NDUFA11: variants seen among roughly 807,000 people sequenced by gnomAD.
NDUFA11 encodes NADH dehydrogenase [ubiquinone] 1 alpha subcomplex subunit 11.
Under a neutral mutation model 11.3 loss-of-function variants are expected in NDUFA11, and 14 were observed. The observed-to-expected ratio is 1.24, with a 90% CI of 0.82 to 1.94. The LOEUF (loss-of-function observed/expected upper bound fraction) is 1.94, where lower values mean the gene tolerates loss of function less well. NDUFA11 is among the 30% of genes most tolerant of loss of function. NDUFA11 has a pLI of 0.00. For missense variants in NDUFA11, 204 were observed against 200.3 expected, an observed-to-expected ratio of 1.02 and a Z score of -0.11; for synonymous variants, 87 against 85.6, an observed-to-expected ratio of 1.02 and a Z score of -0.09.
intron 1 of NDUFA11, chr19:5,901,279 C>A: frequency 8.0e-7 from 1 of 1,252,712 alleles, no homozygotes; most frequent in Non-Finnish European, 1.0e-6. Context: ...AGTTTCAGAT[C>A]CTATCCCCTG....
rs185876325 is a variant in NDUFA11, at chr19:5,896,655, A to G, written c.191-80T>C. ...TTGGGCGCTCACTGCCAGTGTCTGG[A>G]TGGAGAGAGATGCCACGAGTCGGCT... On this transcript the variant is annotated intron_variant, in intron 2 of 3. Transcript: ENST00000308961. This position sits in a 1 kb window ranked among gnomAD's most constrained non-coding sequence, Gnocchi z 5.8. The G allele has an allele frequency of 3.8e-4, 580 of 1,542,602 alleles. 1 individual carries two copies. The African/African-American group carries it at 7.1e-3, about 19-fold the overall frequency.
Position 5,896,335 on chromosome 19 carries a change from C to A in NDUFA11, c.313+118G>T. 8.1e-7 allele frequency: 1 copy of A among 1,230,882 alleles called. No individual in the cohort carries two copies. Among genetic ancestry groups the A allele is most frequent in the South Asian group, 1.5e-5 (1 of 68,694 alleles). 76.2% of individuals were successfully genotyped at this position (1,230,882 alleles called of 1,614,324 possible). ...CGCTATGACTGAAATGGCTGGTGTT[C>A]AAGAAGGCTGCTTTACTTCTTGTCC... On this transcript the variant is annotated intron_variant, in intron 3 of 3. Coordinates refer to ENST00000308961, the MANE Select transcript of NDUFA11 (RefSeq NM_175614.5). The surrounding 1 kb of genome is among the most constrained non-coding windows in gnomAD (Gnocchi z 5.8).
At chr19:5,903,588 C>T (rs1420914449) in intron 1 of NDUFA11, 24 bp downstream of exon 1, 3 of 1,547,516 alleles carry the variant, frequency 1.9e-6, no homozygotes, top group South Asian at 1.2e-5. Context: ...GGCCCTCCAC[C>T]CTCGGGGCCC....
downstream of NDUFA11, chr19:5,893,322 G>C: frequency 1.1e-6 from 1 of 917,946 alleles, no homozygotes; most frequent in Non-Finnish European, 1.7e-6. The surrounding 1 kb of genome is among the most constrained non-coding windows in gnomAD (Gnocchi z 4.1). Flanking sequence ...ACAATTAGCT[G>C]GCTGTAGTGG....
intron 1 of NDUFA11, among the ~76,000 whole-genome samples, chr19:5,897,723 G>A (rs2057619768): frequency 6.6e-6 from 1 of 152,236 alleles, no homozygotes; most frequent in Non-Finnish European, 1.5e-5. Flanking sequence ...TGAGGAGCTT[G>A]GGCCGGGGCC....
At chr19:5,893,307 TA>T, downstream of NDUFA11, 3 of 1,058,234 alleles carry the variant, frequency 2.8e-6, no homozygotes, top group Non-Finnish European at 2.8e-6. The surrounding 1 kb of genome is among the most constrained non-coding windows in gnomAD (Gnocchi z 4.1). Flanking sequence ...AAAATAAAAA[TA>T]AAAACAATTA....
chr19:5,896,565 C>A lies in NDUFA11; in HGVS notation c.201G>T (p.Gly67=). 1 of 1,565,872 alleles carries A rather than the reference C, an allele frequency of 6.4e-7. No homozygotes were observed. The highest frequency in any genetic ancestry group is 8.7e-7 in the Non-Finnish European group (1 of 1,156,008). ...TGCAGGTGGTGAGGCCAAACACGGCCCCGACAGCAGCTGCGGGGTAGACGG... is the reference window on the plus strand; with the variant it reads ...TGCAGGTGGTGAGGCCAAACACGGCACCGACAGCAGCTGCGGGGTAGACGG... ...GQYTFTAAAV[G]AVFGLTTCIS... is the part of the protein sequence containing the mutation. The change falls in exon 3 of 4, where the codon GGG becomes GGT. Residue 67 remains glycine (G), a synonymous_variant. Coordinates refer to ENST00000308961, the MANE Select transcript of NDUFA11 (RefSeq NM_175614.5). The surrounding 1 kb of genome is among the most constrained non-coding windows in gnomAD (Gnocchi z 5.8).
At chr19:5,902,673 C>T (rs1370748514) in intron 1 of NDUFA11, 1 of 152,360 alleles carries the variant, frequency 6.6e-6, no homozygotes, top group Non-Finnish European at 1.5e-5. Flanking sequence ...CCATGAAACG[C>T]TCAGGCTGGA....
chr19:5,895,407 G>A (rs943438277), intron 3 of NDUFA11: 2 of 157,946 alleles, frequency 1.3e-5, no homozygotes, highest in African/African-American at 4.8e-5. Context: ...TGGGGACAGG[G>A]AGCAGTTCCA....
At chr19:5,892,650 C>A (rs1282456566), downstream of NDUFA11, 2 of 352,914 alleles carry the variant, frequency 5.7e-6, no homozygotes, top group Admixed American at 4.4e-5. Flanking sequence ...GTGGTCACCG[C>A]GGGGCTGGGG....
chr19:5,895,064 C>G (rs1287628723), intron 3 of NDUFA11: 2 of 602,992 alleles, frequency 3.3e-6, no homozygotes, highest in Non-Finnish European at 5.7e-6. Flanking sequence ...GGTTGCTTCC[C>G]AGCAGGAACC....
chr19:5,903,705 C>T lies in NDUFA11; in HGVS notation c.4G>A (p.Ala2Thr), dbSNP rs1226874837. 5 of 1,551,514 alleles carry T rather than the reference C, an allele frequency of 3.2e-6. No individual in the cohort carries two copies. Among genetic ancestry groups the T allele is most frequent in the South Asian group, 1.2e-5 (1 of 84,070 alleles). ...CAGTACTGACGAAAAACCTTCGGCG[C>T]CATAGCCCGCAATCTCGATCCCGCA... M[A>T]PKVFRQYWDI... Residue 2 changes from alanine (A) to threonine (T), a missense_variant, in exon 1 of 4, where the codon GCG (alanine) becomes ACG (threonine). Coordinates refer to ENST00000308961, the MANE Select transcript of NDUFA11 (RefSeq NM_175614.5).
In NDUFA11 at chr19:5,903,739, C is replaced by T. The variant is rs886054648; in HGVS notation, c.-31G>A. On this transcript the variant is annotated 5_prime_UTR_variant, in exon 1 of 4. Coordinates refer to ENST00000308961, the MANE Select transcript of NDUFA11 (RefSeq NM_175614.5). ...GCAATCTCGATCCCGCACCACGGAC[C>T]CCGCCAGCTCGGGAAGCGCAAGGGC... 5.3e-5 allele frequency: 82 copies of T among 1,548,622 alleles called. No individual in the cohort carries two copies. Among genetic ancestry groups the T allele is most frequent in the Non-Finnish European group, 6.3e-5 (72 of 1,144,742 alleles).
chr19:5,892,827 G>T, downstream of NDUFA11: 1 of 1,364,660 alleles, frequency 7.3e-7, no homozygotes, highest in Non-Finnish European at 9.5e-7. Flanking sequence ...TCTTTGTGGG[G>T]CATCTCTGAG....
rs751729958 is a variant in NDUFA11, at chr19:5,894,742, T to G, written c.426A>C (p.Ter142CysextTer?). The G allele has an allele frequency of 2.5e-6, 4 of 1,612,552 alleles. No individual in the cohort carries two copies. Among genetic ancestry groups the G allele is most frequent in the African/African-American group, 1.3e-5 (1 of 74,912 alleles). Residue 142 changes from the stop codon to cysteine (C), a stop_lost, in exon 4 of 4, where the codon TGA becomes TGC. Coordinates refer to ENST00000308961, the MANE Select transcript of NDUFA11 (RefSeq NM_175614.5). ...GWEVFAKPKV[*>C] ...CTGGAGGTCCCGGCAGGCACAGGGCTCACACCTTGGGTTTTGCAAACACCT... is the reference window on the plus strand; with the variant it reads ...CTGGAGGTCCCGGCAGGCACAGGGCGCACACCTTGGGTTTTGCAAACACCT...
At chr19:5,892,790 A>C, downstream of NDUFA11, 12 of 1,208,350 alleles carry the variant, frequency 9.9e-6, no homozygotes, top group Non-Finnish European at 9.8e-6. Context: ...AGTGGATGGG[A>C]TGCCTGCAGG....
intron 1 of NDUFA11, chr19:5,901,286 C>T (rs1163791029): frequency 1.6e-5 from 20 of 1,261,038 alleles, no homozygotes; most frequent in Non-Finnish European, 2.1e-5. Flanking sequence ...GATCCTATCC[C>T]CTGGGTGGCC....
At chr19:5,899,860 CTCTCA>C (rs902005220) in intron 1 of NDUFA11, 1 of 152,076 alleles carries the variant, frequency 6.6e-6, no homozygotes, top group African/African-American at 2.4e-5. Flanking sequence ...TCTTATAACC[CTCTCA>C]TCTCAAGAGG....
downstream of NDUFA11, chr19:5,892,812 G>C (rs77060799): frequency 9.9e-3 from 13,247 of 1,339,710 alleles, 152 homozygotes; most frequent in South Asian, 0.042. Flanking sequence ...AGGTGGAATC[G>C]TCTTTCTTTG....
Sources: gnomAD v4.1 joint callset for allele counts (sites outside exome capture counted in the v4.1 genomes callset) on GRCh38, gnomAD v4.1.1 for gene constraint, Gnocchi (gnomAD v3.1) non-coding constraint, MANE v1.5 for transcripts, NCBI Gene and HGNC (gene_info 2026-07-23, HGNC 2026-07-21) for gene names.